The following SLC23A2 variants were observed in gnomAD, a reference collection of about 807,000 sequenced individuals.
The protein encoded by SLC23A2 is solute carrier family 23 member 2.
A neutral mutation model predicts 73.3 loss-of-function variants in SLC23A2; 36 were observed. The observed-to-expected ratio is 0.49, with a 90% confidence interval of 0.38 to 0.65. SLC23A2 has a LOEUF of 0.65. Ranked by LOEUF, SLC23A2 falls within the 30% of genes least tolerant of loss-of-function variation. The probability of loss-of-function intolerance (pLI) is 0.00; values close to 1 mark genes in which losing one functional copy is unlikely to be tolerated. For missense variants in SLC23A2, 507 were observed against 841.6 expected (o/e 0.60, Z 4.92); for synonymous variants, 343 against 327.3 (o/e 1.05, Z -0.52).
intron 1 of SLC23A2, among the ~76,000 whole-genome samples, chr20:4,973,318 T>C (rs35618917): frequency 2.6e-5 from 4 of 152,204 alleles, no homozygotes; most frequent in African/African-American, 7.2e-5. Flanking sequence ...AACGGCTCCA[T>C]GAGGGCAAAG....
At chr20:5,003,627 C>T (rs940540188), upstream of SLC23A2, among the ~76,000 whole-genome samples, 1 of 151,966 alleles carries the variant, frequency 6.6e-6, no homozygotes, top group African/African-American at 2.4e-5. Flanking sequence ...AAGTCTATCC[C>T]CTCCCCATCG....
intron 2 of SLC23A2, among the ~76,000 whole-genome samples, chr20:4,961,368 C>T (rs1050926536): frequency 3.9e-5 from 6 of 152,106 alleles, no homozygotes; most frequent in Non-Finnish European, 5.9e-5. Context: ...AGGCGTGAGC[C>T]ACCACGCCTG....
intron 1 of SLC23A2, among the ~76,000 whole-genome samples, chr20:4,995,428 G>A (rs1368224929): frequency 1.3e-5 from 2 of 152,042 alleles, no homozygotes; most frequent in African/African-American, 4.8e-5. Flanking sequence ...ATCTCCCCGT[G>A]CCTTTCCAGA....
intron 7 of SLC23A2, 33 bp from the exon 8 acceptor site, chr20:4,884,856 G>C: frequency 8.0e-7 from 1 of 1,247,052 alleles, no homozygotes. Flanking sequence ...TTCTTGGAGT[G>C]ACACTGATGT....
At chr20:5,004,779 C>A (rs1381196366), upstream of SLC23A2, among the ~76,000 whole-genome samples, 1 of 152,196 alleles carries the variant, frequency 6.6e-6, no homozygotes, top group African/African-American at 2.4e-5. Flanking sequence ...GCAGGTGGAT[C>A]ACCTGAGGTC....
intron 1 of SLC23A2, among the ~76,000 whole-genome samples, chr20:4,981,516 C>G (rs933317476): frequency 6.6e-6 from 1 of 152,148 alleles, no homozygotes; most frequent in Non-Finnish European, 1.5e-5. Flanking sequence ...TGGATGTGGC[C>G]AGCATCCGTA....
upstream of SLC23A2, among the ~76,000 whole-genome samples, chr20:5,003,228 A>C (rs1365293204): frequency 4.6e-5 from 7 of 151,814 alleles, no homozygotes; most frequent in South Asian, 1.3e-3. Flanking sequence ...CTAAAAATAC[A>C]AAAAAATTAG....
chr20:4,930,302 A>C (rs965902665), intron 3 of SLC23A2, among the ~76,000 whole-genome samples: 2 of 152,206 alleles, frequency 1.3e-5, no homozygotes, highest in Non-Finnish European at 2.9e-5. Flanking sequence ...CATCTAATTT[A>C]ATCTTGAACA....
intron 2 of SLC23A2, among the ~76,000 whole-genome samples, chr20:4,962,124 G>A (rs897037132): frequency 6.9e-5 from 10 of 145,184 alleles, no homozygotes; most frequent in African/African-American, 2.6e-4. Flanking sequence ...GAAGAAAAAC[G>A]ATGAGAAAAA....
At chr20:4,918,154 T>C (rs1354769103) in intron 3 of SLC23A2, among the ~76,000 whole-genome samples, 3 of 152,238 alleles carry the variant, frequency 2.0e-5, no homozygotes, top group Middle Eastern at 3.2e-3. Flanking sequence ...CTTTCTAAAC[T>C]TAATAAAGTC....
intron 11 of SLC23A2, among the ~76,000 whole-genome samples, chr20:4,871,338 C>T (rs776691728): frequency 1.3e-5 from 2 of 152,028 alleles, no homozygotes; most frequent in African/African-American, 4.8e-5. Flanking sequence ...CAGGAAAAGG[C>T]GAAGTCGGGC....
At chr20:4,892,388 T>C (rs959315111) in intron 6 of SLC23A2, among the ~76,000 whole-genome samples, 1 of 152,108 alleles carries the variant, frequency 6.6e-6, no homozygotes, top group Non-Finnish European at 1.5e-5. Flanking sequence ...GGTTTCACCA[T>C]GTTGGCCAAG....
intron 2 of SLC23A2, among the ~76,000 whole-genome samples, chr20:4,952,118 A>AAG: frequency 6.7e-6 from 1 of 149,288 alleles, no homozygotes; most frequent in African/African-American, 2.5e-5. Context: ...AAAAAAAAAA[A>AAG]AAAAAAAAAA....
At chr20:4,979,060 T>A (rs537950793) in intron 1 of SLC23A2, among the ~76,000 whole-genome samples, 88 of 152,176 alleles carry the variant, frequency 5.8e-4, no homozygotes, top group Middle Eastern at 3.4e-3. Context: ...TTTGGGAGGC[T>A]GAGGCGGGCA....
At chr20:4,911,432 A>G (rs1180223644) in intron 4 of SLC23A2, among the ~76,000 whole-genome samples, 1 of 152,232 alleles carries the variant, frequency 6.6e-6, no homozygotes, top group Admixed American at 6.5e-5. Flanking sequence ...CAGAATTTCA[A>G]TACAATTTAT....
intron 11 of SLC23A2, among the ~76,000 whole-genome samples, 154 bp from the exon 12 acceptor site, chr20:4,870,207 C>T (rs1735860563): frequency 1.3e-5 from 2 of 152,230 alleles, no homozygotes; most frequent in Non-Finnish European, 2.9e-5. Flanking sequence ...ATCTTAAGCA[C>T]CAGATGCCTG....
chr20:5,005,000 AAAATAAATAAAT>A (rs11474342), upstream of SLC23A2, among the ~76,000 whole-genome samples: 16 of 143,346 alleles, frequency 1.1e-4, no homozygotes, highest in African/African-American at 2.6e-4. Flanking sequence ...CTCCGTCTCA[AAAATAAATAAAT>A]AAATAAATAA....
At chr20:4,906,063 C>A (rs1321908442) in intron 4 of SLC23A2, among the ~76,000 whole-genome samples, 1 of 152,188 alleles carries the variant, frequency 6.6e-6, no homozygotes, top group African/African-American at 2.4e-5. Context: ...TTTGGCCAGG[C>A]ATGGTGGCTC....
At chr20:4,926,946 C>T (rs1014144040) in intron 3 of SLC23A2, among the ~76,000 whole-genome samples, 21 of 152,094 alleles carry the variant, frequency 1.4e-4, no homozygotes, top group African/African-American at 5.1e-4. Flanking sequence ...TTCTCAGCAA[C>T]GGCCAGATTT....
Sources: gnomAD v4.1 joint callset for allele counts (sites outside exome capture counted in the v4.1 genomes callset) on GRCh38, gnomAD v4.1.1 for gene constraint, MANE v1.5 for transcripts, NCBI Gene and HGNC (gene_info 2026-07-23, HGNC 2026-07-21) for gene names.